Variants in POLR1F observed in about 807,000 individuals in gnomAD.
The protein encoded by POLR1F is DNA-directed RNA polymerase I subunit RPA43.
In POLR1F, 23 loss-of-function variants were observed where a neutral mutation model predicts 21.8. The ratio of observed to expected loss-of-function variants is 1.05; its 90% CI spans 0.76 to 1.49. The LOEUF (loss-of-function observed/expected upper bound fraction) is 1.49, where lower values mean the gene tolerates loss of function less well. POLR1F is among the 40% of genes most tolerant of loss of function. POLR1F has a pLI of 0.00. For synonymous variants in POLR1F, 162 were observed against 152.8 expected (o/e 1.06, Z -0.45); for missense variants, 435 against 412.1 (o/e 1.06, Z -0.48).
rs1783388682 is a variant in POLR1F, at chr7:19,697,610, C to T, written c.*706G>A. 6.6e-6 allele frequency: 1 copy of T among 152,164 alleles called. No individual in the cohort carries two copies. The highest frequency in any genetic ancestry group is 1.5e-5 in the Non-Finnish European group (1 of 68,024). 9.4% of individuals were successfully genotyped at this position (152,164 alleles called of 1,614,324 possible). A position where few individuals can be genotyped will look rare whatever the true frequency, so the allele number is the denominator to read the frequency against. ...CATTAGACTGTCCTCCAACACACAA[C>T]AAAACTAGAATGGCTGAGGCACAAA... On this transcript the variant is annotated 3_prime_UTR_variant, in exon 4 of 4. Transcript: ENST00000222567.
Position 19,708,789 on chromosome 7 carries a change from A to T in POLR1F, c.228T>A (p.Asp76Glu). The T allele has an allele frequency of 6.2e-7, 1 of 1,613,766 alleles. No homozygotes were observed. Among genetic ancestry groups the T allele is most frequent in the South Asian group, 1.1e-5 (1 of 91,084 alleles). ...RKRTGIREQLDAELLRYSESL... is the reference protein window; with the variant it reads ...RKRTGIREQLEAELLRYSESL... ...TCTCAGAATAGCGAAGGAGCTCCGC[A>T]TCAAGCTGTTCTCGAATGCCGGTGC... The change falls in exon 1 of 4, where the codon GAT (aspartate) becomes GAA (glutamate). Residue 76 changes from aspartate to glutamate, a missense_variant. Transcript: ENST00000222567.
intron 2 of POLR1F, among the ~76,000 whole-genome samples, chr7:19,702,037 C>A (rs960653945): frequency 7.9e-5 from 12 of 152,064 alleles, no homozygotes; most frequent in Non-Finnish European, 1.5e-4. Context: ...GCAGCTAATG[C>A]CCTCTTGTGA....
chr7:19,706,007 A>G (rs993885012), intron 1 of POLR1F, among the ~76,000 whole-genome samples: 1 of 152,314 alleles, frequency 6.6e-6, no homozygotes, highest in Non-Finnish European at 1.5e-5. Flanking sequence ...ATCTAATTGT[A>G]TTGAACCTAT....
chr7:19,706,462 G>C (rs1783526347), intron 1 of POLR1F, among the ~76,000 whole-genome samples: 1 of 152,188 alleles, frequency 6.6e-6, no homozygotes, highest in African/African-American at 2.4e-5. Flanking sequence ...TGGTGGAAGG[G>C]GGGACATGTG....
Position 19,698,315 on chromosome 7 carries a change from A to G in POLR1F, c.*1T>C, listed in dbSNP as rs1419728975. The G allele has an allele frequency of 1.9e-6, 3 of 1,549,566 alleles. No homozygotes were observed. The highest frequency in any genetic ancestry group is 2.6e-6 in the Non-Finnish European group (3 of 1,157,544). On this transcript the variant is annotated 3_prime_UTR_variant, in exon 4 of 4. Coordinates refer to ENST00000222567, the MANE Select transcript of POLR1F (RefSeq NM_001002926.2). ...AAAAACTGAATCGTGTTTAAAATACACTAAAGAAAATTACTTTTCCCTTTT... is the reference window on the plus strand; with the variant it reads ...AAAAACTGAATCGTGTTTAAAATACGCTAAAGAAAATTACTTTTCCCTTTT...
rs1476015016 is a variant in POLR1F, at chr7:19,705,030, C to G, written c.255-110G>C. 2.7e-6 allele frequency: 3 copies of G among 1,121,082 alleles called. No homozygotes were observed. In the African/African-American group the frequency reaches 4.8e-5, roughly 18 times the overall value. 69.4% of individuals were successfully genotyped at this position (1,121,082 alleles called of 1,614,324 possible). A position where few individuals can be genotyped will look rare whatever the true frequency, so the allele number is the denominator to read the frequency against. On this transcript the variant is annotated intron_variant, in intron 1 of 3. Transcript: ENST00000222567. ...CCAGGATAGGGTGCAGTGACATCAA[C>G]AGGGCTCACTGCAGCCTCGACCTCC...
intron 3 of POLR1F, among the ~76,000 whole-genome samples, chr7:19,699,168 C>G (rs1783417966): frequency 6.6e-6 from 1 of 152,104 alleles, no homozygotes; most frequent in South Asian, 2.1e-4. Context: ...AATGGAGTTT[C>G]CAGTCTACTA....
At chr7:19,702,288 G>T (rs941115813) in intron 2 of POLR1F, among the ~76,000 whole-genome samples, 10 of 152,116 alleles carry the variant, frequency 6.6e-5, no homozygotes, top group Non-Finnish European at 1.2e-4. Flanking sequence ...TAAAACTGCT[G>T]TTAAAAATAT....
Position 19,698,341 on chromosome 7 carries a change from C to G in POLR1F, c.992G>C (p.Arg331Thr), listed in dbSNP as rs768972851. ...CTAAAGAAAATTACTTTTCCCTTTT[C>G]TTTTTGGTGAGCATTTCAAAGGTGG... The part of the protein sequence containing the change: ...FTPPLKCSPK[R>T]KGKSNFL Residue 331 changes from arginine to threonine, a missense_variant, in exon 4 of 4, where the codon AGA becomes ACA. Arg to Thr is a moderately conservative substitution (Grantham distance 71, BLOSUM62 -1). Coordinates refer to ENST00000222567, the MANE Select transcript of POLR1F (RefSeq NM_001002926.2). 9 of 1,569,358 alleles carry G rather than the reference C, an allele frequency of 5.7e-6. No individual in the cohort carries two copies. The highest frequency in any genetic ancestry group is 7.7e-6 in the Non-Finnish European group (9 of 1,167,338).
At chr7:19,702,903 T>G (rs1028079294) in intron 2 of POLR1F, among the ~76,000 whole-genome samples, 1 of 152,170 alleles carries the variant, frequency 6.6e-6, no homozygotes, top group Non-Finnish European at 1.5e-5. Context: ...GTAAATGAAG[T>G]GTTGAATGGG....
chr7:19,707,489 TCCCC>T (rs2128007411), intron 1 of POLR1F, among the ~76,000 whole-genome samples: 1 of 152,312 alleles, frequency 6.6e-6, no homozygotes, highest in East Asian at 1.9e-4. Context: ...CCAATGCCTT[TCCCC>T]TGACATAAAC....
chr7:19,699,694 C>G (rs1783425287), intron 3 of POLR1F, among the ~76,000 whole-genome samples: 2 of 151,988 alleles, frequency 1.3e-5, no homozygotes, highest in African/African-American at 2.4e-5. Context: ...ATAATCAACA[C>G]AATTTTTTGT....
At chr7:19,700,361 CA>C in intron 2 of POLR1F, 81 bp from the exon 3 acceptor site, 1 of 1,025,288 alleles carries the variant, frequency 9.8e-7, no homozygotes, top group African/African-American at 1.6e-5. Flanking sequence ...TTACAAGCTT[CA>C]AATAATCTTC....
chr7:19,706,232 G>A (rs968194045), intron 1 of POLR1F, among the ~76,000 whole-genome samples: 1 of 152,146 alleles, frequency 6.6e-6, no homozygotes, highest in Non-Finnish European at 1.5e-5. Context: ...ACTCGGGAAA[G>A]CAATTTTCTG....
At chr7:19,707,145 TATAAC>T (rs1783536795) in intron 1 of POLR1F, among the ~76,000 whole-genome samples, 1 of 152,210 alleles carries the variant, frequency 6.6e-6, no homozygotes, top group South Asian at 2.1e-4. Context: ...CTTGGACAAT[TATAAC>T]ATTATCTTAA....
Position 19,708,929 on chromosome 7 carries a change from C to A in POLR1F, c.88G>T (p.Glu30Ter). The A allele has an allele frequency of 6.2e-7, 1 of 1,613,674 alleles. No individual in the cohort carries two copies. The highest frequency in any genetic ancestry group is 8.5e-7 in the Non-Finnish European group (1 of 1,179,858). The change falls in exon 1 of 4, where the codon GAG becomes TAG. Residue 30 changes from glutamate to a stop codon, truncating the protein, a stop_gained. Coordinates refer to ENST00000222567, the MANE Select transcript of POLR1F (RefSeq NM_001002926.2). LOFTEE classifies it high-confidence loss of function. ...VGQAGVLPCL[E>*]LPTYAAACAL... is the part of the protein sequence containing the mutation. ...CAAGCAGCGGCATAAGTCGGCAACT[C>A]TAGGCAAGGCAGGACGCCAGCCTGC...
intron 3 of POLR1F, 32 bp from the exon 4 acceptor site, chr7:19,698,759 A>G: frequency 6.8e-7 from 1 of 1,480,262 alleles, no homozygotes; most frequent in Non-Finnish European, 8.9e-7. Flanking sequence ...AATTAACAGA[A>G]CAATAAGCAA....
At position 19,704,878 on chromosome 7, in the gene POLR1F, C is replaced by A; in HGVS notation, c.297G>T (p.Val99=). 1 of 1,605,868 alleles carries A rather than the reference C, an allele frequency of 6.2e-7. No homozygotes were observed. ...VPIAYDNIKV[V]GELGDIYDDQ... ...CATCATAAATATCTCCAAGCTCTCCCACAACTTTGATGTTATCATATGCAA... is the reference window on the plus strand; with the variant it reads ...CATCATAAATATCTCCAAGCTCTCCAACAACTTTGATGTTATCATATGCAA... Residue 99 remains valine, a synonymous_variant, in exon 2 of 4, where the codon GTG becomes GTT. Transcript: ENST00000222567.
chr7:19,708,869 C>T lies in POLR1F; in HGVS notation c.148G>A (p.Ala50Thr). 6.2e-6 allele frequency: 10 copies of T among 1,614,214 alleles called. No homozygotes were observed. Among genetic ancestry groups the T allele is most frequent in the Non-Finnish European group, 8.5e-6 (10 of 1,180,034 alleles). Reference sequence around the variant, plus strand: ...GCGATGTGCCTTTGGTGCGGCCCGGCCACCAGGCATGAGTAGCGACTGTTC... The same window carrying T: ...GCGATGTGCCTTTGGTGCGGCCCGGTCACCAGGCATGAGTAGCGACTGTTC... Reference protein sequence around the residue: ...LVNSRYSCLVAGPHQRHIALS... With the variant: ...LVNSRYSCLVTGPHQRHIALS... The change falls in exon 1 of 4, where the codon GCC becomes ACC. Residue 50 changes from alanine (A) to threonine (T), a missense_variant. Physicochemically the swap from Ala to Thr is moderately conservative, Grantham distance 58. Coordinates refer to ENST00000222567, the MANE Select transcript of POLR1F (RefSeq NM_001002926.2).
Sources: allele counts gnomAD v4.1 joint callset (sites outside exome capture counted in the v4.1 genomes callset), GRCh38; gene constraint gnomAD v4.1.1; transcripts MANE v1.5; gene names NCBI Gene and HGNC (gene_info 2026-07-23, HGNC 2026-07-21).